The following R3HDM1 variants were observed in gnomAD, a reference collection of about 807,000 sequenced individuals.
R3HDM1 encodes the protein R3H domain containing 1.
A neutral mutation model predicts 141.1 loss-of-function variants in R3HDM1; 46 were observed. The ratio of observed to expected loss-of-function variants is 0.33; its 90% CI spans 0.26 to 0.42. R3HDM1 has a LOEUF of 0.42. Ranked by LOEUF, R3HDM1 falls within the 10% of genes least tolerant of loss-of-function variation. R3HDM1 has a pLI of 1.00. For missense variants in R3HDM1, 1,184 were observed against 1,368.3 expected (o/e 0.87, Z 2.12); for synonymous variants, 435 against 472.9 (o/e 0.92, Z 1.04).
intron 1 of R3HDM1, among the ~76,000 whole-genome samples, chr2:135,540,517 T>C (rs1345053332): frequency 6.6e-6 from 1 of 152,216 alleles, no homozygotes; most frequent in East Asian, 1.9e-4. Flanking sequence ...CCTTGAACTT[T>C]GGGGCTCAAG....
chr2:135,611,187 C>T (rs371944222), intron 3 of R3HDM1, among the ~76,000 whole-genome samples: 1 of 151,456 alleles, frequency 6.6e-6, no homozygotes, highest in Admixed American at 6.6e-5. Flanking sequence ...GTTGGGAGGC[C>T]GAGGCAAGCA....
chr2:135,554,722 G>A (rs915266930), intron 1 of R3HDM1, among the ~76,000 whole-genome samples: 6 of 152,132 alleles, frequency 3.9e-5, no homozygotes. Context: ...CAGGAAAAAT[G>A]CCACATGAAC....
chr2:135,566,369 C>A (rs983041066), intron 1 of R3HDM1, among the ~76,000 whole-genome samples: 1 of 152,100 alleles, frequency 6.6e-6, no homozygotes, highest in Non-Finnish European at 1.5e-5. Context: ...TCTTACATAG[C>A]GTCTTTATGT....
chr2:135,541,971 AT>A (rs1347941271), intron 1 of R3HDM1, among the ~76,000 whole-genome samples: 1 of 151,924 alleles, frequency 6.6e-6, no homozygotes, highest in Non-Finnish European at 1.5e-5. Context: ...ATTTTTTCAG[AT>A]TTTGGAATAT....
At chr2:135,680,393 T>C in intron 21 of R3HDM1, 69 bp downstream of exon 21, 2 of 1,551,476 alleles carry the variant, frequency 1.3e-6, no homozygotes, top group Non-Finnish European at 1.8e-6. Context: ...CTGTTGCTAG[T>C]TTTAAAGTTG....
chr2:135,559,067 G>A, intron 1 of R3HDM1: 2 of 938,660 alleles, frequency 2.1e-6, no homozygotes, highest in Non-Finnish European at 2.5e-6. Context: ...GTGTGTGTGT[G>A]TGTGTGTGTG....
At chr2:135,663,254 A>G (rs1379152468) in intron 19 of R3HDM1, among the ~76,000 whole-genome samples, 2 of 152,044 alleles carry the variant, frequency 1.3e-5, no homozygotes, top group African/African-American at 2.4e-5. Flanking sequence ...ATTTTTAACT[A>G]TGGGGTTTTC....
chr2:135,681,492 A>T (rs1277910740), intron 21 of R3HDM1, among the ~76,000 whole-genome samples: 1 of 152,204 alleles, frequency 6.6e-6, no homozygotes, highest in Admixed American at 6.6e-5. Flanking sequence ...CATCTGCTTT[A>T]AAGTATTTAA....
chr2:135,592,164 G>A (rs1020171378), intron 1 of R3HDM1, among the ~76,000 whole-genome samples: 5 of 152,038 alleles, frequency 3.3e-5, no homozygotes, highest in African/African-American at 1.2e-4. Context: ...TCCCCATCTG[G>A]AATCACCATC....
intron 21 of R3HDM1, among the ~76,000 whole-genome samples, chr2:135,694,116 T>G (rs933772159): frequency 2.6e-5 from 4 of 152,246 alleles, no homozygotes; most frequent in African/African-American, 7.2e-5. Flanking sequence ...CTTTTATTCC[T>G]CAAGTAACTT....
At chr2:135,546,964 G>T (rs751723926) in intron 1 of R3HDM1, among the ~76,000 whole-genome samples, 1 of 152,000 alleles carries the variant, frequency 6.6e-6, no homozygotes, top group East Asian at 1.9e-4. Context: ...GAGCCACCGC[G>T]CCCAGCCAAG....
chr2:135,560,496 T>G (rs925279462), intron 1 of R3HDM1, among the ~76,000 whole-genome samples: 3 of 152,156 alleles, frequency 2.0e-5, no homozygotes, highest in African/African-American at 7.2e-5. Context: ...GTATTTTTAG[T>G]AGAGACGGGG....
At chr2:135,669,122 A>G (rs527834726) in intron 19 of R3HDM1, 1 of 982,294 alleles carries the variant, frequency 1.0e-6, no homozygotes, top group African/African-American at 1.7e-5. Context: ...ATTGTTTAAT[A>G]CAATTTATGC....
Position 135,594,719 on chromosome 2 carries a change from A to T in R3HDM1, c.-249-7781A>T, listed in dbSNP as rs1197842511. ...TGTATACATTTCAGGCTTATTCACC[A>T]GTTTGTACTTCTGATTACATTTTCT... On this transcript the variant is annotated intron_variant, in intron 1 of 26. Transcript: ENST00000683871. Among the ~76,000 whole-genome samples the T allele has an allele frequency of 2.0e-5, 3 of 151,356 alleles. No homozygotes were observed. The East Asian group carries it at 5.9e-4, about 30-fold the overall frequency.
In R3HDM1 at chr2:135,693,347, T is replaced by C. The variant is rs536791539; in HGVS notation, c.2459+13023T>C. ...ATAGTTTGCCAACTCCTGTACTAGATGGTTGATAGCCAGCAAAAAAAAAAG... is the reference window on the plus strand; with the variant it reads ...ATAGTTTGCCAACTCCTGTACTAGACGGTTGATAGCCAGCAAAAAAAAAAG... On this transcript the variant is annotated intron_variant, in intron 21 of 26. Coordinates refer to ENST00000683871, the MANE Select transcript of R3HDM1 (RefSeq NM_001378107.1). Among the ~76,000 whole-genome samples, 7 of 151,966 alleles carry C rather than the reference T, an allele frequency of 4.6e-5. No homozygotes were observed. In the South Asian group the frequency reaches 1.5e-3, roughly 32 times the overall value.
In R3HDM1 at chr2:135,534,755, A is replaced by T. The variant is rs531985592; in HGVS notation, c.-250+3122A>T. The stretch of plus-strand genomic sequence containing the variant: ...GACAGTAGCAATAGAAAATTATATA[A>T]ACTTGAAATAAGCTTTGTCAAATAT... On this transcript the variant is annotated intron_variant, in intron 1 of 26. Coordinates refer to ENST00000683871, the MANE Select transcript of R3HDM1 (RefSeq NM_001378107.1). 2.2e-4 allele frequency among the ~76,000 whole-genome samples: 33 copies of T among 152,324 alleles called. No individual in the cohort carries two copies. In the South Asian group the frequency reaches 5.8e-3, roughly 27 times the overall value.
intron 14 of R3HDM1, among the ~76,000 whole-genome samples, chr2:135,640,680 T>A (rs1442814470): frequency 6.6e-6 from 1 of 152,208 alleles, no homozygotes; most frequent in African/African-American, 2.4e-5. Flanking sequence ...TTTCATTCAT[T>A]AAAGATTAAT....
At chr2:135,592,891 A>G (rs1156891919) in intron 1 of R3HDM1, among the ~76,000 whole-genome samples, 14 of 151,910 alleles carry the variant, frequency 9.2e-5, no homozygotes, top group Admixed American at 9.2e-4. Context: ...GACTGCGGGC[A>G]TGTGCCACCA....
intron 1 of R3HDM1, chr2:135,584,052 G>T (rs529659415): frequency 2.0e-6 from 2 of 985,340 alleles, no homozygotes; most frequent in Non-Finnish European, 2.4e-6. Flanking sequence ...TTTCAGCTGG[G>T]CATGGTGGCT....
Sources: gnomAD v4.1 joint callset for allele counts (sites outside exome capture counted in the v4.1 genomes callset) on GRCh38, gnomAD v4.1.1 for gene constraint, MANE v1.5 for transcripts, NCBI Gene and HGNC (gene_info 2026-07-23, HGNC 2026-07-21) for gene names.